The following KIF16B variants were observed in gnomAD, a reference collection of about 807,000 sequenced individuals.
KIF16B encodes kinesin family member 16B, also known as kinesin-like protein KIF16B.
KIF16B carries 98 observed loss-of-function variants against 156.3 expected under a neutral mutation model. The ratio of observed to expected loss-of-function variants is 0.63; its 90% CI spans 0.53 to 0.74. The LOEUF is 0.74. KIF16B is among the 30% of genes least tolerant of loss of function. The pLI is 0.00. For missense variants in KIF16B, 1,421 were observed against 1,606.5 expected, an observed-to-expected ratio of 0.88 and a Z score of 1.97; for synonymous variants, 564 against 583.7, an observed-to-expected ratio of 0.97 and a Z score of 0.49.
chr20:16,357,913 G>A (rs2064475521), intron 22 of KIF16B, among the ~76,000 whole-genome samples: 1 of 152,182 alleles, frequency 6.6e-6, no homozygotes, highest in Non-Finnish European at 1.5e-5. Context: ...CAAGAGGCTG[G>A]GCACAGTGGC....
chr20:16,532,474 A>G (rs1400311649), intron 1 of KIF16B, among the ~76,000 whole-genome samples: 1 of 152,168 alleles, frequency 6.6e-6, no homozygotes, highest in East Asian at 1.9e-4. Context: ...TCCATTGTGG[A>G]CCCAAAAGTA....
At chr20:16,564,500 C>T (rs997710337) in intron 1 of KIF16B, among the ~76,000 whole-genome samples, 22 of 151,582 alleles carry the variant, frequency 1.5e-4, no homozygotes, top group African/African-American at 4.4e-4. Context: ...CATCACACAC[C>T]GGGGCCTGTT....
At chr20:16,394,053 T>A (rs1280785847) in intron 17 of KIF16B, among the ~76,000 whole-genome samples, 1 of 152,242 alleles carries the variant, frequency 6.6e-6, no homozygotes. Flanking sequence ...AAAATCATGC[T>A]ACCATGTAGG....
intron 23 of KIF16B, among the ~76,000 whole-genome samples, chr20:16,351,314 C>T (rs1388019227): frequency 6.6e-6 from 1 of 152,134 alleles, no homozygotes. Flanking sequence ...AGTCTCTGCT[C>T]GTCTTAACCA....
chr20:16,515,321 G>A (rs2147080887), intron 4 of KIF16B, among the ~76,000 whole-genome samples: 1 of 152,260 alleles, frequency 6.6e-6, no homozygotes. Flanking sequence ...AACAGAAAAT[G>A]AGCAGGGACT....
chr20:16,477,843 A>G (rs2067862984), intron 12 of KIF16B, among the ~76,000 whole-genome samples: 3 of 152,174 alleles, frequency 2.0e-5, no homozygotes. Context: ...AACAGCTACA[A>G]AGAGATAAAA....
chr20:16,536,621 G>A (rs1026322540), intron 1 of KIF16B, among the ~76,000 whole-genome samples: 3 of 152,162 alleles, frequency 2.0e-5, no homozygotes, highest in African/African-American at 7.2e-5. Flanking sequence ...ATGTTTAGGA[G>A]AAGTAAAACC....
intron 22 of KIF16B, chr20:16,369,020 G>A (rs1442302055): frequency 1.0e-6 from 1 of 985,698 alleles, no homozygotes; most frequent in African/African-American, 1.7e-5. Context: ...GCATGCTCAG[G>A]ATGACCATAT....
At chr20:16,489,234 T>C (rs2068214087) in intron 12 of KIF16B, among the ~76,000 whole-genome samples, 1 of 152,100 alleles carries the variant, frequency 6.6e-6, no homozygotes. Flanking sequence ...AAGAGGTACC[T>C]GCTGCTGGGG....
chr20:16,367,500 TG>T (rs1568891944), intron 22 of KIF16B: 1 of 1,612,864 alleles, frequency 6.2e-7, no homozygotes, highest in South Asian at 1.1e-5. Context: ...CCTTCACCAG[TG>T]CAATGTGGGT....
At chr20:16,370,559 C>T (rs762533983) in intron 22 of KIF16B, 27 bp downstream of exon 22, 24 of 1,546,684 alleles carry the variant, frequency 1.6e-5, no homozygotes, top group Non-Finnish European at 1.9e-5. Flanking sequence ...TAAGGCGACC[C>T]TATCAATCTG....
Position 16,548,784 on chromosome 20 carries a change from C to T in KIF16B, c.48-20344G>A, listed in dbSNP as rs184725807. Among the ~76,000 whole-genome samples the T allele has an allele frequency of 1.2e-4, 18 of 152,254 alleles. No individual in the cohort carries two copies. The East Asian group carries it at 3.3e-3, about 28-fold the overall frequency. On this transcript the variant is annotated intron_variant, in intron 1 of 25. Coordinates refer to ENST00000354981, the MANE Select transcript of KIF16B (RefSeq NM_024704.5). ...CTATTTCCATACCCCAGGAGACAGACCCACTTTCCTGATCTTAGTGACCAG... is the reference window on the plus strand; with the variant it reads ...CTATTTCCATACCCCAGGAGACAGATCCACTTTCCTGATCTTAGTGACCAG...
At chr20:16,572,512 A>G (rs2071492806) in intron 1 of KIF16B, among the ~76,000 whole-genome samples, 1 of 152,256 alleles carries the variant, frequency 6.6e-6, no homozygotes, top group African/African-American at 2.4e-5. Context: ...GAAACTTTCT[A>G]AACGGATTAA....
chr20:16,316,273 T>C (rs893533705), intron 24 of KIF16B, among the ~76,000 whole-genome samples: 1 of 152,246 alleles, frequency 6.6e-6, no homozygotes, highest in Non-Finnish European at 1.5e-5. Flanking sequence ...TGATAGTTGC[T>C]GATCAGCGAT....
chr20:16,312,446 A>G (rs141851207), intron 24 of KIF16B, 28 bp from the exon 25 acceptor site: 3 of 1,416,846 alleles, frequency 2.1e-6, no homozygotes, highest in African/African-American at 2.8e-5. Flanking sequence ...AAAGACATGC[A>G]TTAATAGCAT....
intron 3 of KIF16B, among the ~76,000 whole-genome samples, chr20:16,519,456 G>A (rs1305543875): frequency 6.6e-6 from 1 of 152,146 alleles, no homozygotes; most frequent in African/African-American, 2.4e-5. Context: ...TCTGGATATA[G>A]TCGCTCCAGT....
At position 16,379,719 on chromosome 20, in the gene KIF16B, G is replaced by A. The variant is rs555175251; in HGVS notation, c.2283C>T (p.Leu761=). 12 of 1,614,072 alleles carry A rather than the reference G, an allele frequency of 7.4e-6. No homozygotes were observed. Among genetic ancestry groups the A allele is most frequent in the African/African-American group, 2.7e-5 (2 of 75,014 alleles). The change falls in exon 19 of 26, where the codon CTC becomes CTT. Residue 761 remains leucine, a synonymous_variant. Transcript: ENST00000354981. ...GGAGCTGCTCTTCCAGATGGGCCACGAGCATGACCTGCTCCTTCTCCTGCT... is the reference window on the plus strand; with the variant it reads ...GGAGCTGCTCTTCCAGATGGGCCACAAGCATGACCTGCTCCTTCTCCTGCT... The part of the protein sequence containing the change: ...LEEQEKEQVM[L]VAHLEEQLRE...
intron 1 of KIF16B, among the ~76,000 whole-genome samples, chr20:16,556,397 G>A (rs993310018): frequency 2.0e-5 from 3 of 152,160 alleles, no homozygotes; most frequent in African/African-American, 4.8e-5. Flanking sequence ...CTGTGGCCTC[G>A]ATGCAAAACA....
In KIF16B at chr20:16,494,283, G is replaced by C; in HGVS notation, c.1302+8C>G. The C allele has an allele frequency of 6.4e-7, 1 of 1,553,974 alleles. No individual in the cohort carries two copies. Among genetic ancestry groups the C allele is most frequent in the Non-Finnish European group, 8.8e-7 (1 of 1,134,626 alleles). ...TAGTAAGACTAAACACATTTTTCTAGTCCTTACTTTCAAAATATTTTGGGT... is the reference window on the plus strand; with the variant it reads ...TAGTAAGACTAAACACATTTTTCTACTCCTTACTTTCAAAATATTTTGGGT... On this transcript the variant is annotated splice_region_variant and intron_variant, in intron 12 of 25. Transcript: ENST00000354981.
Sources: gnomAD v4.1 joint callset for allele counts (sites outside exome capture counted in the v4.1 genomes callset) on GRCh38, gnomAD v4.1.1 for gene constraint, MANE v1.5 for transcripts, NCBI Gene and HGNC (gene_info 2026-07-23, HGNC 2026-07-21) for gene names.